ACADSB: variants seen among roughly 807,000 people sequenced by gnomAD.
The protein encoded by ACADSB is acyl-CoA dehydrogenase short/branched chain.
ACADSB carries 40 observed loss-of-function variants against 54.1 expected under a neutral mutation model. That is an observed-to-expected ratio of 0.74 (90% confidence interval 0.57 to 0.96). The LOEUF is 0.96. Among genes scored for constraint, ACADSB ranks in the 40% least tolerant of loss-of-function variants. The probability of loss-of-function intolerance (pLI) is 0.00; values close to 1 mark genes in which losing one functional copy is unlikely to be tolerated. For synonymous variants in ACADSB, 182 were observed against 182.8 expected (o/e 1.00, Z 0.03); for missense variants, 530 against 510.4 (o/e 1.04, Z -0.37).
At position 123,052,936 on chromosome 10, in the gene ACADSB, A is replaced by G. The variant is rs1850651444; in HGVS notation, c.1129-125A>G. The G allele has an allele frequency of 1.1e-5, 8 of 741,782 alleles. No individual in the cohort carries two copies. The highest frequency in any genetic ancestry group is 2.3e-4 in the Middle Eastern group (1 of 4,284). The allele number at this position is 741,782 out of a possible 1,614,324, so 46.0% of individuals were successfully genotyped here. ...GACTGAAGAGACAATGCTAGTTTAGAAGATAACTTTAGTCCTTCCAGTGCC... is the reference window on the plus strand; with the variant it reads ...GACTGAAGAGACAATGCTAGTTTAGGAGATAACTTTAGTCCTTCCAGTGCC... On this transcript the variant is annotated intron_variant, in intron 9 of 10. Coordinates refer to ENST00000358776, the MANE Select transcript of ACADSB (RefSeq NM_001609.4). This position sits in a 1 kb window ranked among gnomAD's most constrained non-coding sequence, Gnocchi z 4.2.
rs1850627718 is a variant in ACADSB at position 123,051,187 on chromosome 10, GT to G, written c.1128+2del. On this transcript the variant is annotated splice_donor_variant, in intron 9 of 10. Transcript: ENST00000358776. LOFTEE classifies it high-confidence loss of function. ...AATGGCCAAATACTATGCATCAGAGGTAAAAAAAAAAAAAAAAAAAAAAAAG... is the reference window on the plus strand; with the variant it reads ...AATGGCCAAATACTATGCATCAGAGGAAAAAAAAAAAAAAAAAAAAAAAAG... 1.3e-6 allele frequency: 1 copy of G among 792,328 alleles called. No individual in the cohort carries two copies. The highest frequency in any genetic ancestry group is 1.6e-6 in the Non-Finnish European group (1 of 611,604). 49.1% of individuals were successfully genotyped at this position (792,328 alleles called of 1,614,324 possible). A position where few individuals can be genotyped will look rare whatever the true frequency, so the allele number is the denominator to read the frequency against.
chr10:123,040,428 T>C, intron 3 of ACADSB, 38 bp from the exon 4 acceptor site: 1 of 1,543,780 alleles, frequency 6.5e-7, no homozygotes, highest in Admixed American at 1.7e-5. Context: ...CATATAAAAA[T>C]AGCTTTCTTA....
chr10:123,013,999 G>A (rs1023943631), intron 1 of ACADSB, among the ~76,000 whole-genome samples: 6 of 152,224 alleles, frequency 3.9e-5, no homozygotes, highest in African/African-American at 1.2e-4. Context: ...CAGAATGGGC[G>A]CCGAGGCCGA....
Position 123,046,676 on chromosome 10 carries a change from G to A in ACADSB, c.901-533G>A, listed in dbSNP as rs188324262. Among the ~76,000 whole-genome samples the A allele has an allele frequency of 1.3e-3, 202 of 152,270 alleles. 1 individual carries two copies. The highest frequency in any genetic ancestry group is 3.9e-3 in the African/African-American group (163 of 41,538). ...CCCAAATGATTCTATGGTACAGCTC[G>A]GATTCAGAACCACTGCTCTCTTATG... On this transcript the variant is annotated intron_variant, in intron 7 of 10. Coordinates refer to ENST00000358776, the MANE Select transcript of ACADSB (RefSeq NM_001609.4).
At position 123,041,966 on chromosome 10, in the gene ACADSB, C is replaced by CTTT. The variant is rs373340179; in HGVS notation, c.681+602_681+604dup. Among the ~76,000 whole-genome samples the CTTT allele has an allele frequency of 3.0e-4, 40 of 132,674 alleles. No individual in the cohort carries two copies. In the East Asian group the frequency reaches 6.8e-3, roughly 22 times the overall value. 87.0% of individuals were successfully genotyped at this position (132,674 alleles called of 152,430 possible). A position where few individuals can be genotyped will look rare whatever the true frequency, so the allele number is the denominator to read the frequency against. Reference sequence around the variant, plus strand: ...GTAGGAAGCTAATCTTTTTTCTTTTCTTTTTTTTTTTTTTTTTAATATGGA... The same window carrying CTTT: ...GTAGGAAGCTAATCTTTTTTCTTTTCTTTTTTTTTTTTTTTTTTTTAATATGGA... On this transcript the variant is annotated intron_variant, in intron 5 of 10. Coordinates refer to ENST00000358776, the MANE Select transcript of ACADSB (RefSeq NM_001609.4).
In ACADSB at chr10:123,054,077, A is replaced by G; in HGVS notation, c.*312A>G. On this transcript the variant is annotated 3_prime_UTR_variant, in exon 11 of 11. Coordinates refer to ENST00000358776, the MANE Select transcript of ACADSB (RefSeq NM_001609.4). ...TGTCTTACTCTGTCACCCAGGCTAG[A>G]GTGCAGTGGCGCGATCTCAGCTCAC... 2.8e-6 allele frequency: 1 copy of G among 361,702 alleles called. No homozygotes were observed. The highest frequency in any genetic ancestry group is 5.2e-6 in the Non-Finnish European group (1 of 192,582). 22.4% of individuals were successfully genotyped at this position (361,702 alleles called of 1,614,324 possible).
intron 1 of ACADSB, among the ~76,000 whole-genome samples, chr10:123,028,037 C>T (rs1414897358): frequency 6.6e-6 from 1 of 152,140 alleles, no homozygotes; most frequent in Non-Finnish European, 1.5e-5. Context: ...AGTCCCAGCA[C>T]TTAGGTTCTC....
Position 123,053,777 on chromosome 10 carries a change from G to A in ACADSB, c.*12G>A. The A allele has an allele frequency of 6.2e-7, 1 of 1,610,624 alleles. No individual in the cohort carries two copies. The highest frequency in any genetic ancestry group is 8.5e-7 in the Non-Finnish European group (1 of 1,176,758). ...ATGCAGAATACTGACGTCTATAGGA[G>A]TGGGACCCCTCCCTGGTGTCACTGC... On this transcript the variant is annotated 3_prime_UTR_variant, in exon 11 of 11. Transcript: ENST00000358776.
chr10:123,053,117 C>T lies in ACADSB; in HGVS notation c.1185C>T (p.Thr395=). The stretch of plus-strand genomic sequence containing the variant: ...AGTGGATGGGGGGAGTAGGCTACAC[C>T]AAAGATTACCCTGTGGAGAAATACT... ...CIEWMGGVGY[T]KDYPVEKYFR... The change falls in exon 10 of 11, where the codon ACC becomes ACT. Residue 395 remains threonine, a synonymous_variant. Transcript: ENST00000358776. 1 of 1,613,788 alleles carries T rather than the reference C, an allele frequency of 6.2e-7. No individual in the cohort carries two copies. Among genetic ancestry groups the T allele is most frequent in the South Asian group, 1.1e-5 (1 of 91,062 alleles).
chr10:123,013,123 T>G (rs1386079573), intron 1 of ACADSB, among the ~76,000 whole-genome samples: 5 of 151,806 alleles, frequency 3.3e-5, no homozygotes, highest in Non-Finnish European at 5.9e-5. Context: ...TAAAGATTCT[T>G]CAAGTCCCCA....
intron 5 of ACADSB, 75 bp from the exon 6 acceptor site, chr10:123,042,970 CT>C: frequency 1.9e-6 from 3 of 1,544,510 alleles, no homozygotes; most frequent in Non-Finnish European, 1.8e-6. Context: ...TTTTAGTTTT[CT>C]TTTTACTTAA....
intron 8 of ACADSB, 70 bp from the exon 9 acceptor site, chr10:123,050,979 C>T: frequency 6.5e-7 from 1 of 1,543,262 alleles, no homozygotes; most frequent in South Asian, 1.2e-5. Context: ...TGTATCTAGG[C>T]AGGACTTTGA....
chr10:123,024,546 C>A (rs1487964062), intron 1 of ACADSB, among the ~76,000 whole-genome samples: 1 of 152,252 alleles, frequency 6.6e-6, no homozygotes, highest in African/African-American at 2.4e-5. Flanking sequence ...GAAAAATAAA[C>A]CCCAAACTTT....
At chr10:123,023,217 T>A (rs1409577956) in intron 1 of ACADSB, among the ~76,000 whole-genome samples, 1 of 152,244 alleles carries the variant, frequency 6.6e-6, no homozygotes, top group Non-Finnish European at 1.5e-5. Flanking sequence ...TAACCTTCTA[T>A]GCCAAACCCT....
intron 9 of ACADSB, 81 bp downstream of exon 9, chr10:123,051,267 C>G: frequency 7.4e-7 from 1 of 1,346,732 alleles, no homozygotes; most frequent in Non-Finnish European, 9.7e-7. Flanking sequence ...AACATTTTCT[C>G]TTGGGAATGT....
chr10:123,049,157 A>T (rs568062740), intron 8 of ACADSB, among the ~76,000 whole-genome samples: 1 of 152,350 alleles, frequency 6.6e-6, no homozygotes, highest in Admixed American at 6.5e-5. Context: ...CAACATTATT[A>T]TAGCTGTATA....
intron 8 of ACADSB, 45 bp from the exon 9 acceptor site, chr10:123,051,004 C>G (rs1564754457): frequency 5.6e-6 from 9 of 1,602,030 alleles, no homozygotes; most frequent in Non-Finnish European, 7.7e-6. Context: ...GAGGTGCTTG[C>G]TTTTTTGAAA....
rs1276893294 is a variant in ACADSB at position 123,036,268 on chromosome 10, G to A, written c.203-1479G>A. Among the ~76,000 whole-genome samples the A allele has an allele frequency of 3.9e-5, 6 of 152,150 alleles. No individual in the cohort carries two copies. The East Asian group carries it at 1.2e-3, about 29-fold the overall frequency. ...ACGCCCAGCTAATTTTGTACTTTTA[G>A]TAGACATAGGGTTTCACCATGTTAG... On this transcript the variant is annotated intron_variant, in intron 2 of 10. Transcript: ENST00000358776.
chr10:123,051,009 T>C, intron 8 of ACADSB, 40 bp from the exon 9 acceptor site: 1 of 1,605,134 alleles, frequency 6.2e-7, no homozygotes, highest in Non-Finnish European at 8.5e-7. Context: ...GCTTGCTTTT[T>C]TGAAATCATA....
Sources: allele counts gnomAD v4.1 joint callset (sites outside exome capture counted in the v4.1 genomes callset), GRCh38; gene constraint gnomAD v4.1.1; non-coding constraint Gnocchi (gnomAD v3.1); transcripts MANE v1.5; gene names NCBI Gene and HGNC (gene_info 2026-07-23, HGNC 2026-07-21).